CCSER1: variants seen among roughly 807,000 people sequenced by gnomAD.
CCSER1 encodes serine-rich coiled-coil domain-containing protein 1.
Under a neutral mutation model 82.0 loss-of-function variants are expected in CCSER1, and 41 were observed. That is an observed-to-expected ratio of 0.50 (90% confidence interval 0.39 to 0.65). The LOEUF (loss-of-function observed/expected upper bound fraction) is 0.65. Among genes scored for constraint, CCSER1 ranks in the 30% least tolerant of loss-of-function variants. The pLI is 0.00. For synonymous variants in CCSER1, 414 were observed against 383.9 expected (o/e 1.08, Z -0.92); for missense variants, 1,119 against 1,064.2 (o/e 1.05, Z -0.72).
chr4:91,562,946 T>C (rs1199071301), intron 10 of CCSER1, among the ~76,000 whole-genome samples: 1 of 151,560 alleles, frequency 6.6e-6, no homozygotes. Flanking sequence ...GTTTGCTGAA[T>C]TGATAATGTT....
intron 1 of CCSER1, among the ~76,000 whole-genome samples, chr4:90,244,019 C>T (rs778751061): frequency 2.0e-4 from 30 of 152,076 alleles, no homozygotes; most frequent in Middle Eastern, 3.4e-3. Context: ...AGTGAATAAT[C>T]CCTTTTGTTT....
At chr4:91,508,067 C>CT (rs1217669150) in intron 10 of CCSER1, among the ~76,000 whole-genome samples, 6 of 142,016 alleles carry the variant, frequency 4.2e-5, no homozygotes, top group Non-Finnish European at 7.6e-5. Flanking sequence ...ACATCTGTGC[C>CT]TTTTTTTTTC....
intron 10 of CCSER1, among the ~76,000 whole-genome samples, chr4:91,527,773 T>G (rs953968220): frequency 3.3e-5 from 5 of 152,106 alleles, no homozygotes; most frequent in Non-Finnish European, 5.9e-5. Flanking sequence ...TATATAAATA[T>G]CTAAAGGCAA....
intron 1 of CCSER1, among the ~76,000 whole-genome samples, chr4:90,133,118 A>G (rs974358137): frequency 6.6e-6 from 1 of 152,220 alleles, no homozygotes; most frequent in African/African-American, 2.4e-5. Flanking sequence ...ATTTTAGAGT[A>G]AAAACTGAAG....
chr4:91,517,743 C>G (rs1436747265), intron 10 of CCSER1, among the ~76,000 whole-genome samples: 5 of 127,872 alleles, frequency 3.9e-5, no homozygotes, highest in African/African-American at 1.2e-4. Context: ...TCAGTTCTTT[C>G]TCGTGTGTGT....
chr4:91,486,168 T>C lies in CCSER1; in HGVS notation c.2218-112404T>C, dbSNP rs1331247750. Among the ~76,000 whole-genome samples, 11 of 151,340 alleles carry C rather than the reference T, an allele frequency of 7.3e-5. No individual in the cohort carries two copies. In the East Asian group the frequency reaches 2.1e-3, roughly 29 times the overall value. The stretch of plus-strand genomic sequence containing the variant: ...AAGCATATTTACTATTATGAAAATA[T>C]ATTGTATATATTTAAAAATATATTT... On this transcript the variant is annotated intron_variant, in intron 10 of 10. Coordinates refer to ENST00000509176, the MANE Select transcript of CCSER1 (RefSeq NM_001145065.2).
At chr4:90,808,878 C>G (rs565468085) in intron 7 of CCSER1, among the ~76,000 whole-genome samples, 1 of 152,276 alleles carries the variant, frequency 6.6e-6, no homozygotes, top group African/African-American at 2.4e-5. Context: ...ATTCAGCAAT[C>G]TCACTACTGG....
intron 10 of CCSER1, among the ~76,000 whole-genome samples, chr4:91,546,568 T>C (rs1016512065): frequency 6.6e-6 from 1 of 152,124 alleles, no homozygotes; most frequent in East Asian, 1.9e-4. Context: ...GTAATGTTTA[T>C]GTGTTCTGTA....
intron 8 of CCSER1, among the ~76,000 whole-genome samples, chr4:90,881,405 CCAAA>C (rs961839501): frequency 1.8e-4 from 28 of 151,988 alleles, no homozygotes; most frequent in African/African-American, 6.5e-4. Flanking sequence ...AAGAAAACTC[CCAAA>C]CAGATTACTT....
At position 90,322,993 on chromosome 4, in the gene CCSER1, T is replaced by C. The variant is rs534512390; in HGVS notation, c.1509+9946T>C. On this transcript the variant is annotated intron_variant, in intron 3 of 10. Transcript: ENST00000509176. ...AGCAAATGGTGAATCCTGCCAGGTCTGGATCCTTCCTTCCGGGCAGCAGGT... is the reference window on the plus strand; with the variant it reads ...AGCAAATGGTGAATCCTGCCAGGTCCGGATCCTTCCTTCCGGGCAGCAGGT... Among the ~76,000 whole-genome samples the C allele has an allele frequency of 1.2e-4, 18 of 152,352 alleles. No homozygotes were observed. In the East Asian group the frequency reaches 3.5e-3, roughly 29 times the overall value.
intron 9 of CCSER1, among the ~76,000 whole-genome samples, chr4:90,954,797 A>AG (rs1733264464): frequency 6.6e-6 from 1 of 151,790 alleles, no homozygotes; most frequent in African/African-American, 2.4e-5. Context: ...ACTAAAAAAA[A>AG]ATGATTATCA....
At chr4:90,707,263 G>T (rs1285310028) in intron 6 of CCSER1, among the ~76,000 whole-genome samples, 4 of 148,088 alleles carry the variant, frequency 2.7e-5, no homozygotes, top group South Asian at 2.1e-4. Flanking sequence ...CAATAATCTT[G>T]TTCTCAATCC....
chr4:90,218,960 G>A (rs370965354), intron 1 of CCSER1, among the ~76,000 whole-genome samples: 10 of 152,146 alleles, frequency 6.6e-5, no homozygotes, highest in African/African-American at 2.4e-4. Context: ...TGATATTGAT[G>A]ATCAAGGCTT....
intron 5 of CCSER1, among the ~76,000 whole-genome samples, chr4:90,567,273 GAT>G (rs1779514003): frequency 6.7e-6 from 1 of 148,484 alleles, no homozygotes; most frequent in Non-Finnish European, 1.5e-5. Context: ...CATAGGTTTT[GAT>G]ATGTTATGTT....
At chr4:91,221,202 G>T (rs1056437269) in intron 10 of CCSER1, among the ~76,000 whole-genome samples, 4 of 151,772 alleles carry the variant, frequency 2.6e-5, no homozygotes, top group Non-Finnish European at 4.4e-5. Flanking sequence ...TATTTGTCTT[G>T]TATTTTTTCT....
chr4:90,893,742 A>T (rs1186236316), intron 8 of CCSER1, among the ~76,000 whole-genome samples: 11 of 150,660 alleles, frequency 7.3e-5, no homozygotes, highest in Non-Finnish European at 1.2e-4. Flanking sequence ...CATCTTGTTG[A>T]ACACCTGAAT....
intron 1 of CCSER1, among the ~76,000 whole-genome samples, chr4:90,156,005 C>T (rs1295458605): frequency 6.6e-6 from 1 of 152,092 alleles, no homozygotes; most frequent in African/African-American, 2.4e-5. Flanking sequence ...CTCTTGTGGG[C>T]ATTTAGTGCT....
chr4:91,421,908 G>A (rs1753703234), intron 10 of CCSER1, among the ~76,000 whole-genome samples: 1 of 152,040 alleles, frequency 6.6e-6, no homozygotes, highest in South Asian at 2.1e-4. Context: ...TATTTCAGCT[G>A]CCTTTGAAGA....
At chr4:90,337,561 A>G (rs1740637479) in intron 3 of CCSER1, among the ~76,000 whole-genome samples, 1 of 152,160 alleles carries the variant, frequency 6.6e-6, no homozygotes, top group African/African-American at 2.4e-5. Context: ...CAAATGAGGA[A>G]ATTGAGATAT....
Sources: gnomAD v4.1 joint callset for allele counts (sites outside exome capture counted in the v4.1 genomes callset) on GRCh38, gnomAD v4.1.1 for gene constraint, MANE v1.5 for transcripts, NCBI Gene and HGNC (gene_info 2026-07-23, HGNC 2026-07-21) for gene names.